The following PCLAF variants were observed in gnomAD, a reference collection of about 807,000 sequenced individuals.
PCLAF encodes PCNA clamp associated factor, also known as PCNA-associated factor.
In PCLAF, 12 loss-of-function variants were observed where a neutral mutation model predicts 15.1. The observed-to-expected ratio is 0.79, with a 90% confidence interval of 0.51 to 1.29. The LOEUF (loss-of-function observed/expected upper bound fraction) is 1.29. Among genes scored for constraint, PCLAF ranks in the 50% most tolerant of loss-of-function variants. PCLAF has a pLI of 0.00. For synonymous variants in PCLAF, 33 were observed against 47.1 expected, an observed-to-expected ratio of 0.70 and a Z score of 1.22; for missense variants, 116 against 130.9, an observed-to-expected ratio of 0.89 and a Z score of 0.56.
At chr15:64,377,055 A>G in intron 2 of PCLAF, 150 bp from the exon 3 acceptor site, 1 of 635,040 alleles carries the variant, frequency 1.6e-6, no homozygotes. Context: ...AGAAAATGTG[A>G]CACAATAAAG....
At chr15:64,373,770 G>T in intron 3 of PCLAF, 1 of 1,535,646 alleles carries the variant, frequency 6.5e-7, no homozygotes, top group Non-Finnish European at 8.7e-7. Flanking sequence ...CCTGGCTGGT[G>T]CAGGGGAGAT....
At position 64,376,622 on chromosome 15, in the gene PCLAF, T is replaced by C. The variant is rs965786170; in HGVS notation, c.290+121A>G. 7.4e-5 allele frequency: 51 copies of C among 686,172 alleles called. No individual in the cohort carries two copies. The African/African-American group carries it at 8.3e-4, about 11-fold the overall frequency. The allele number at this position is 686,172 out of a possible 1,614,324, so 42.5% of individuals were successfully genotyped here. A position where few individuals can be genotyped will look rare whatever the true frequency, so the allele number is the denominator to read the frequency against. ...TTAGTAGAGACAGGGTTCCACCATG[T>C]TGGACAGGCTGGTTTTGAACTCCTG... On this transcript the variant is annotated intron_variant, in intron 3 of 3. Coordinates refer to ENST00000300035, the MANE Select transcript of PCLAF (RefSeq NM_014736.6).
At chr15:64,371,038 G>A (rs1355441489) in intron 3 of PCLAF, among the ~76,000 whole-genome samples, 1 of 146,466 alleles carries the variant, frequency 6.8e-6, no homozygotes, top group Admixed American at 7.0e-5. Context: ...GCGCAATCTC[G>A]GCTCACTGCA....
At chr15:64,376,401 G>A (rs1026882767) in intron 3 of PCLAF, among the ~76,000 whole-genome samples, 1 of 150,998 alleles carries the variant, frequency 6.6e-6, no homozygotes, top group African/African-American at 2.4e-5. Context: ...TTTTTTATTT[G>A]AGACAGAGTC....
In PCLAF at chr15:64,365,892, C is replaced by T. The variant is rs965118937; in HGVS notation, c.*138G>A. The T allele has an allele frequency of 4.6e-5, 32 of 689,926 alleles. No individual in the cohort carries two copies. In the African/African-American group the frequency reaches 5.2e-4, roughly 11 times the overall value. The allele number at this position is 689,926 out of a possible 1,614,324, so 42.7% of individuals were successfully genotyped here. On this transcript the variant is annotated 3_prime_UTR_variant, in exon 4 of 4. Coordinates refer to ENST00000300035, the MANE Select transcript of PCLAF (RefSeq NM_014736.6). Reference sequence around the variant, plus strand: ...CTCAAATTTCACAACTACTTTTGAACATCTAAATTTAAACCTAAATTTTTT... The same window carrying T: ...CTCAAATTTCACAACTACTTTTGAATATCTAAATTTAAACCTAAATTTTTT...
intron 3 of PCLAF, among the ~76,000 whole-genome samples, chr15:64,370,958 T>G (rs2140521863): frequency 7.1e-6 from 1 of 141,032 alleles, no homozygotes; most frequent in East Asian, 2.2e-4. Flanking sequence ...TTTTGCTTAT[T>G]TCATGTTCTT....
rs748321101 is a variant in PCLAF at position 64,381,372 on chromosome 15, G to A, written c.-1C>T. On this transcript the variant is annotated 5_prime_UTR_variant, in exon 1 of 4. Transcript: ENST00000300035. ...CACTGTCTGCTTTAGTCCGCACCAT[G>A]TTCAAACAAGAAGAGAGGAGAGGAG... 1 of 1,614,178 alleles carries A rather than the reference G, an allele frequency of 6.2e-7. No individual in the cohort carries two copies.
chr15:64,365,819 C>T lies in PCLAF; in HGVS notation c.*211G>A. 2 of 544,218 alleles carry T rather than the reference C, an allele frequency of 3.7e-6. No individual in the cohort carries two copies. Among genetic ancestry groups the T allele is most frequent in the Non-Finnish European group, 6.4e-6 (2 of 311,176 alleles). 33.7% of individuals were successfully genotyped at this position (544,218 alleles called of 1,614,324 possible). The stretch of plus-strand genomic sequence containing the variant: ...ATTTGGTAAAAGAAACCAAACAATG[C>T]ATTATATTGAATACTAAGCTAAGTT... On this transcript the variant is annotated 3_prime_UTR_variant, in exon 4 of 4. Coordinates refer to ENST00000300035, the MANE Select transcript of PCLAF (RefSeq NM_014736.6).
At chr15:64,368,038 G>A (rs1389896785) in intron 3 of PCLAF, among the ~76,000 whole-genome samples, 1 of 151,676 alleles carries the variant, frequency 6.6e-6, no homozygotes, top group Non-Finnish European at 1.5e-5. Flanking sequence ...AAGGCACTCA[G>A]ATTTGGTATA....
chr15:64,381,528 C>T, upstream of PCLAF: 3 of 1,521,640 alleles, frequency 2.0e-6, no homozygotes, highest in Non-Finnish European at 1.8e-6. Context: ...CCATTGGTTC[C>T]GCGCCGTTCC....
rs79418004 is a variant in PCLAF, at chr15:64,370,372, C to CT, written c.291-4298dup. Among the ~76,000 whole-genome samples, 1,392 of 139,986 alleles carry CT rather than the reference C, an allele frequency of 9.9e-3. 17 individuals are homozygous for CT. Among genetic ancestry groups the CT allele is most frequent in the African/African-American group, 0.03 (1,156 of 38,158 alleles). The allele number at this position is 139,986 out of a possible 152,430, so 91.8% of individuals were successfully genotyped here. ...GCCTGGCCTCATGGAGTACGTATTT[C>CT]TTTTTTTTTTTTTCAGACGGATTAT... On this transcript the variant is annotated intron_variant, in intron 3 of 3. Transcript: ENST00000300035.
chr15:64,383,859 A>C (rs972113479), upstream of PCLAF, among the ~76,000 whole-genome samples: 2 of 152,110 alleles, frequency 1.3e-5, no homozygotes, highest in Non-Finnish European at 2.9e-5. Context: ...GGCAGTCTAC[A>C]TATTACTATA....
chr15:64,370,013 A>G (rs964872511), intron 3 of PCLAF, among the ~76,000 whole-genome samples: 2 of 152,038 alleles, frequency 1.3e-5, no homozygotes, highest in African/African-American at 4.8e-5. Flanking sequence ...CTATGGCCAT[A>G]TGGGATACAG....
intron 2 of PCLAF, among the ~76,000 whole-genome samples, chr15:64,380,104 TG>T (rs1899763709): frequency 6.6e-6 from 1 of 152,090 alleles, no homozygotes; most frequent in South Asian, 2.1e-4. Context: ...AAATAATAGC[TG>T]GGCGTGGTGG....
rs1470154745 is a variant in PCLAF at position 64,380,965 on chromosome 15, C to A, written c.120G>T (p.Ser40=). The A allele has an allele frequency of 6.2e-7, 1 of 1,613,970 alleles. No homozygotes were observed. Among genetic ancestry groups the A allele is most frequent in the Non-Finnish European group, 8.5e-7 (1 of 1,179,948 alleles). The change falls in exon 2 of 4, where the codon TCG becomes TCT. Residue 40 remains serine (S), a synonymous_variant. Coordinates refer to ENST00000300035, the MANE Select transcript of PCLAF (RefSeq NM_014736.6). ...TSATNSTSVS[S]RKAENKYAGG... is the part of the protein sequence containing the mutation. ...TAGGAGGGCTCTTCTTACCTTTCCT[C>A]GATGAAACTGATGTCGAATTAGTGG...
chr15:64,380,629 C>G (rs1301385597), intron 2 of PCLAF, among the ~76,000 whole-genome samples: 1 of 151,936 alleles, frequency 6.6e-6, no homozygotes, highest in Non-Finnish European at 1.5e-5. Context: ...GCTTAAGCCC[C>G]ATAAGTGGAG....
At chr15:64,385,520 G>A (rs1003177264), upstream of PCLAF, among the ~76,000 whole-genome samples, 1 of 151,994 alleles carries the variant, frequency 6.6e-6, no homozygotes. Context: ...AGCTACTCGG[G>A]AAGCTAAGGC....
chr15:64,381,132 G>C (rs905328012), intron 1 of PCLAF, 94 bp from the exon 2 acceptor site: 13 of 1,299,128 alleles, frequency 1.0e-5, no homozygotes, highest in Non-Finnish European at 1.4e-5. Flanking sequence ...AGAGCCTGGC[G>C]ATCCAGAACA....
intron 3 of PCLAF, among the ~76,000 whole-genome samples, chr15:64,374,538 CA>C (rs1050774291): frequency 1.5e-3 from 199 of 131,406 alleles, no homozygotes; most frequent in Middle Eastern, 4.2e-3. Context: ...AACTCCGTCT[CA>C]AAAAAAAAAA....
Sources: gnomAD v4.1 joint callset for allele counts (sites outside exome capture counted in the v4.1 genomes callset) on GRCh38, gnomAD v4.1.1 for gene constraint, MANE v1.5 for transcripts, NCBI Gene and HGNC (gene_info 2026-07-23, HGNC 2026-07-21) for gene names.